The following CATSPERE variants were observed in gnomAD, a reference collection of about 807,000 sequenced individuals.
CATSPERE encodes catsper channel auxiliary subunit epsilon.
A neutral mutation model predicts 114.1 loss-of-function variants in CATSPERE; 93 were observed. That is an observed-to-expected ratio of 0.81 (90% CI 0.69 to 0.97). CATSPERE has a LOEUF of 0.97. Among genes scored for constraint, CATSPERE ranks in the 50% least tolerant of loss-of-function variants. The pLI is 0.00. For synonymous variants in CATSPERE, 341 were observed against 384.1 expected (o/e 0.89, Z 1.31); for missense variants, 1,058 against 1,131.6 (o/e 0.93, Z 0.93).
At chr1:244,621,128 A>T (rs55902556) in intron 20 of CATSPERE, among the ~76,000 whole-genome samples, 5,577 of 35,454 alleles carry the variant, frequency 0.16, 1,065 homozygotes, top group Non-Finnish European at 0.21. Flanking sequence ...TATATATATA[A>T]ATATATATAA....
chr1:244,519,443 A>G (rs969167413), intron 8 of CATSPERE, among the ~76,000 whole-genome samples: 3 of 152,138 alleles, frequency 2.0e-5, no homozygotes, highest in African/African-American at 7.2e-5. Context: ...ATTAGAAAAA[A>G]CTTGATTCCC....
At chr1:244,492,122 C>G (rs1572381154) in intron 6 of CATSPERE, among the ~76,000 whole-genome samples, 5 of 152,058 alleles carry the variant, frequency 3.3e-5, no homozygotes, top group Admixed American at 6.5e-5. Context: ...GATACCAAAG[C>G]CTGGCAGAGA....
chr1:244,509,278 T>A (rs1294302493), intron 7 of CATSPERE, among the ~76,000 whole-genome samples: 3 of 151,800 alleles, frequency 2.0e-5, no homozygotes, highest in Admixed American at 6.6e-5. Flanking sequence ...TTTTTTTTTT[T>A]ATCATGAAGA....
At chr1:244,540,460 C>A (rs150311311) in intron 8 of CATSPERE, among the ~76,000 whole-genome samples, 115,906 of 134,324 alleles carry the variant, frequency 0.86, 51,025 homozygotes, top group East Asian at 1. Flanking sequence ...ACGTGAAGGA[C>A]CTCTTCAAGT....
intron 2 of CATSPERE, among the ~76,000 whole-genome samples, chr1:244,470,297 G>T (rs1668272355): frequency 6.6e-6 from 1 of 152,136 alleles, no homozygotes. Flanking sequence ...TTATGGACTT[G>T]TTTTTAGATA....
chr1:244,530,072 G>A (rs753110305), intron 8 of CATSPERE, among the ~76,000 whole-genome samples: 9 of 151,928 alleles, frequency 5.9e-5, no homozygotes, highest in Non-Finnish European at 1.2e-4. Context: ...CTCAGCCTCC[G>A]AGTAGCTGGG....
At chr1:244,525,903 T>C (rs1388246875) in intron 8 of CATSPERE, among the ~76,000 whole-genome samples, 1 of 144,840 alleles carries the variant, frequency 6.9e-6, no homozygotes, top group Non-Finnish European at 1.5e-5. Flanking sequence ...TTTCTGCTAC[T>C]TAAGAAGCCT....
intron 8 of CATSPERE, among the ~76,000 whole-genome samples, chr1:244,519,898 G>A (rs1558417014): frequency 6.6e-6 from 1 of 152,062 alleles, no homozygotes; most frequent in Admixed American, 6.6e-5. Flanking sequence ...TAACAATTTG[G>A]CAAACATTAA....
At chr1:244,598,607 A>G in intron 17 of CATSPERE, 2 of 356,108 alleles carry the variant, frequency 5.6e-6, no homozygotes, top group Non-Finnish European at 1.2e-5. Context: ...GCCCAGTCTT[A>G]TGCTTGCCTC....
At chr1:244,500,334 A>G (rs183755183) in intron 7 of CATSPERE, among the ~76,000 whole-genome samples, 8 of 152,256 alleles carry the variant, frequency 5.3e-5, no homozygotes, top group Non-Finnish European at 1.2e-4. Flanking sequence ...GCTCCGCAGA[A>G]GCTCTTTAGC....
At chr1:244,528,007 A>G (rs532598113) in intron 8 of CATSPERE, among the ~76,000 whole-genome samples, 9 of 152,302 alleles carry the variant, frequency 5.9e-5, no homozygotes, top group African/African-American at 1.9e-4. Flanking sequence ...AGTGTGTTAC[A>G]TAGGTAACAT....
At chr1:244,486,137 A>G (rs146780741) in intron 5 of CATSPERE, among the ~76,000 whole-genome samples, 1 of 152,328 alleles carries the variant, frequency 6.6e-6, no homozygotes, top group African/African-American at 2.4e-5. Context: ...CTCAGAAAGC[A>G]GGGGGGAAAT....
chr1:244,600,297 GC>G (rs1264744398), intron 17 of CATSPERE, among the ~76,000 whole-genome samples: 1 of 150,972 alleles, frequency 6.6e-6, no homozygotes, highest in Non-Finnish European at 1.5e-5. Context: ...GGGTTTTCAA[GC>G]CCCTGTGAGG....
intron 8 of CATSPERE, among the ~76,000 whole-genome samples, chr1:244,521,110 T>A (rs1677471170): frequency 1.3e-5 from 2 of 152,108 alleles, no homozygotes; most frequent in South Asian, 4.2e-4. Context: ...TCCCAGCACT[T>A]TGGGAGGCCA....
intron 10 of CATSPERE, among the ~76,000 whole-genome samples, chr1:244,565,302 G>A (rs1187847046): frequency 6.6e-6 from 1 of 152,100 alleles, no homozygotes; most frequent in East Asian, 1.9e-4. Context: ...TCTGTTGTTT[G>A]GAATGGTTTC....
chr1:244,593,639 A>C (rs1668009219), intron 17 of CATSPERE, 61 bp downstream of exon 17: 2 of 1,364,072 alleles, frequency 1.5e-6, no homozygotes, highest in Admixed American at 3.6e-5. Context: ...AAAGCACGAA[A>C]ACAAGACTAA....
rs1419201352 is a variant in CATSPERE, at chr1:244,552,670, T to G, written c.885T>G (p.Asp295Glu). The G allele has an allele frequency of 6.2e-7, 1 of 1,614,130 alleles. No individual in the cohort carries two copies. The highest frequency in any genetic ancestry group is 1.3e-5 in the African/African-American group (1 of 75,034). The change falls in exon 9 of 22, where the codon GAT becomes GAG. Residue 295 changes from aspartate (D) to glutamate (E), a missense_variant. Asp to Glu is a conservative substitution (Grantham distance 45). Transcript: ENST00000366534. ...RSVAHVILSRDGIVFLINGVL... is the reference protein window; with the variant it reads ...RSVAHVILSREGIVFLINGVL... ...TGGCTCATGTGATCTTATCGCGGGA[T>G]GGAATCGTTTTTCTTATAAATGGTG...
At chr1:244,589,079 C>T (rs188154254) in intron 14 of CATSPERE, among the ~76,000 whole-genome samples, 1 of 152,294 alleles carries the variant, frequency 6.6e-6, no homozygotes, top group East Asian at 1.9e-4. Context: ...TGATGAAGCA[C>T]GTTGGACTCT....
Position 244,461,450 on chromosome 1 carries a change from C to G in CATSPERE, c.21C>G (p.Ala7=), listed in dbSNP as rs754737148. 5.8e-6 allele frequency: 8 copies of G among 1,383,496 alleles called. No homozygotes were observed. In the South Asian group the frequency reaches 1.1e-4, roughly 19 times the overall value. 85.7% of individuals were successfully genotyped at this position (1,383,496 alleles called of 1,614,324 possible). MSAREV[A]VLLLWLSCYG... ...GCGCCATGTCAGCCCGGGAAGTGGC[C>G]GTGCTGCTGCTGTGGCTGAGCTGCT... The change falls in exon 1 of 22, where the codon GCC becomes GCG. Residue 7 remains alanine, a synonymous_variant. Transcript: ENST00000366534.
Sources: gnomAD v4.1 joint callset for allele counts (sites outside exome capture counted in the v4.1 genomes callset) on GRCh38, gnomAD v4.1.1 for gene constraint, MANE v1.5 for transcripts, NCBI Gene and HGNC (gene_info 2026-07-23, HGNC 2026-07-21) for gene names.